Variants in BIRC6 observed in about 807,000 individuals in gnomAD.
BIRC6 encodes the protein dual E2 ubiquitin-conjugating enzyme/E3 ubiquitin-protein ligase BIRC6.
In BIRC6, 98 loss-of-function variants were observed where a neutral mutation model predicts 503.3. The ratio of observed to expected loss-of-function variants is 0.19; its 90% confidence interval spans 0.17 to 0.23. BIRC6 has a LOEUF of 0.23. BIRC6 is among the 10% of genes least tolerant of loss of function. The pLI is 1.00. For synonymous variants in BIRC6, 2,240 were observed against 2,078.7 expected (o/e 1.08, Z -2.11); for missense variants, 5,360 against 5,806.0 (o/e 0.92, Z 2.50).
chr2:32,447,659 C>A (rs1295175682), intron 21 of BIRC6, among the ~76,000 whole-genome samples: 2 of 117,760 alleles, frequency 1.7e-5, no homozygotes, highest in Non-Finnish European at 1.8e-5. Context: ...GGGGGCTGAC[C>A]CCCCCTCCCC....
At chr2:32,574,650 A>G in intron 65 of BIRC6, 1 of 167,522 alleles carries the variant, frequency 6.0e-6, no homozygotes, top group South Asian at 1.5e-4. Context: ...TGAGTAGCCT[A>G]ATGAGGAAGA....
Position 32,467,722 on chromosome 2 carries a change from G to C in BIRC6, c.5554G>C (p.Val1852Leu). The change falls in exon 27 of 74, where the codon GTG (valine) becomes CTG (leucine). Residue 1852 changes from valine to leucine, a missense_variant. This residue lies in a region of BIRC6 where 2,299 missense variants were observed against 2,267.2 expected (regional missense o/e 1.01). Transcript: ENST00000421745. Reference protein sequence around the residue: ...LILHDLIPPPVCRFMKITVIG... With the variant: ...LILHDLIPPPLCRFMKITVIG... ...TCTTCATGACTTAATACCACCTCCC[G>C]TGTGCAGATTCATGAAGGTAAAGAA... 6.2e-7 allele frequency: 1 copy of C among 1,613,038 alleles called. No homozygotes were observed. The highest frequency in any genetic ancestry group is 1.3e-5 in the African/African-American group (1 of 75,012).
Position 32,618,017 on chromosome 2 carries a change from C to G in BIRC6, c.*113C>G, listed in dbSNP as rs2063348864. 1.9e-6 allele frequency: 2 copies of G among 1,066,498 alleles called. No homozygotes were observed. Among genetic ancestry groups the G allele is most frequent in the Non-Finnish European group, 2.7e-6 (2 of 751,800 alleles). 66.1% of individuals were successfully genotyped at this position (1,066,498 alleles called of 1,614,324 possible). A position where few individuals can be genotyped will look rare whatever the true frequency, so the allele number is the denominator to read the frequency against. ...AATAGGTAATGAAACTGAAACTATA[C>G]TATGCCCTTAAGGAGATCCAGTTTA... On this transcript the variant is annotated 3_prime_UTR_variant, in exon 74 of 74. Coordinates refer to ENST00000421745, the MANE Select transcript of BIRC6 (RefSeq NM_016252.4).
chr2:32,363,402 T>A (rs2034416093), intron 1 of BIRC6, among the ~76,000 whole-genome samples: 1 of 152,188 alleles, frequency 6.6e-6, no homozygotes. Flanking sequence ...GTTTTTGGAC[T>A]TAAACTGAAC....
intron 31 of BIRC6, 104 bp from the exon 32 acceptor site, chr2:32,470,910 A>G: frequency 3.4e-6 from 4 of 1,168,686 alleles, no homozygotes; most frequent in South Asian, 1.6e-5. Context: ...ATGATAAGAT[A>G]TGTTTTGGAT....
intron 12 of BIRC6, among the ~76,000 whole-genome samples, chr2:32,431,788 G>A (rs535353959): frequency 1.3e-5 from 2 of 152,322 alleles, no homozygotes; most frequent in East Asian, 3.9e-4. Context: ...CTAGTAATGT[G>A]GGTCTCATGG....
At chr2:32,559,383 CTG>C (rs1378348821) in intron 65 of BIRC6, among the ~76,000 whole-genome samples, 1 of 152,174 alleles carries the variant, frequency 6.6e-6, no homozygotes, top group Non-Finnish European at 1.5e-5. Context: ...TGTTGTGCCT[CTG>C]TTCTTTGTCA....
At chr2:32,465,222 TTTAAAGACTCATTATTCTTCAGTTCGA>T in intron 26 of BIRC6, 58 bp downstream of exon 26, 1 of 812,854 alleles carries the variant, frequency 1.2e-6, no homozygotes, top group Non-Finnish European at 1.8e-6. Flanking sequence ...CTGCCGGCCT[TTTAAAGACTCATTATTCTTCAGTTCGA>T]TTTTTTTTTT....
At chr2:32,360,986 T>C (rs2033990067) in intron 1 of BIRC6, among the ~76,000 whole-genome samples, 1 of 152,226 alleles carries the variant, frequency 6.6e-6, no homozygotes, top group Non-Finnish European at 1.5e-5. Context: ...AGTGATGCGA[T>C]CTCGGCTCAC....
chr2:32,559,739 A>C (rs532375775), intron 65 of BIRC6, among the ~76,000 whole-genome samples: 8 of 151,596 alleles, frequency 5.3e-5, no homozygotes, highest in Admixed American at 5.3e-4. Context: ...AAAAAAAATA[A>C]GGCCGGCACA....
At chr2:32,431,938 G>C (rs1004288053) in intron 12 of BIRC6, among the ~76,000 whole-genome samples, 1 of 152,200 alleles carries the variant, frequency 6.6e-6, no homozygotes, top group Admixed American at 6.5e-5. Flanking sequence ...GAGTGAGAGA[G>C]TGAGAGAAAA....
At chr2:32,384,703 G>C (rs561132355) in intron 3 of BIRC6, among the ~76,000 whole-genome samples, 1 of 152,276 alleles carries the variant, frequency 6.6e-6, no homozygotes, top group African/African-American at 2.4e-5. Flanking sequence ...AGCCTGGTTA[G>C]TATTGGTACA....
At chr2:32,386,714 A>G (rs2038524543) in intron 3 of BIRC6, among the ~76,000 whole-genome samples, 1 of 152,196 alleles carries the variant, frequency 6.6e-6, no homozygotes, top group Admixed American at 6.5e-5. Context: ...TGCTAGGATT[A>G]TAGGTATGAA....
intron 11 of BIRC6, among the ~76,000 whole-genome samples, chr2:32,430,167 A>T (rs2043939792): frequency 6.6e-6 from 1 of 152,296 alleles, no homozygotes; most frequent in African/African-American, 2.4e-5. Flanking sequence ...AAAATACTCT[A>T]AACCTACCAG....
chr2:32,363,045 T>A (rs957193195), intron 1 of BIRC6, among the ~76,000 whole-genome samples: 1 of 152,162 alleles, frequency 6.6e-6, no homozygotes, highest in African/African-American at 2.4e-5. Flanking sequence ...AATACCTTGC[T>A]TTTGGCCTGG....
chr2:32,563,468 C>G (rs538255705), intron 65 of BIRC6: 2 of 152,192 alleles, frequency 1.3e-5, no homozygotes, highest in South Asian at 2.1e-4. Context: ...ATTGTACATT[C>G]AAGTCTTATG....
intron 73 of BIRC6, 136 bp from the exon 74 acceptor site, chr2:32,617,589 T>A: frequency 1.1e-6 from 1 of 875,504 alleles, no homozygotes; most frequent in Middle Eastern, 3.6e-4. Context: ...CCTGTAACAG[T>A]AGCTTGCATA....
chr2:32,474,608 G>A (rs779653517), intron 33 of BIRC6, among the ~76,000 whole-genome samples: 4 of 152,154 alleles, frequency 2.6e-5, no homozygotes, highest in Admixed American at 6.5e-5. Context: ...AATTATAAAC[G>A]AAAGTAATCA....
At chr2:32,461,550 A>G (rs1375120499) in intron 23 of BIRC6, among the ~76,000 whole-genome samples, 1 of 151,696 alleles carries the variant, frequency 6.6e-6, no homozygotes, top group South Asian at 2.1e-4. Context: ...TGTGTCCACT[A>G]AATGAAGGGC....
Sources: allele counts gnomAD v4.1 joint callset (sites outside exome capture counted in the v4.1 genomes callset), GRCh38; gene constraint gnomAD v4.1.1; regional missense constraint gnomAD v4.1.1; transcripts MANE v1.5; gene names NCBI Gene and HGNC (gene_info 2026-07-23, HGNC 2026-07-21).